GRID1: variants seen among roughly 807,000 people sequenced by gnomAD.
The protein encoded by GRID1 is glutamate receptor ionotropic, delta-1.
A neutral mutation model predicts 98.0 loss-of-function variants in GRID1; 28 were observed. The observed-to-expected ratio is 0.29, with a 90% CI of 0.21 to 0.39. The LOEUF (loss-of-function observed/expected upper bound fraction) is 0.39. Ranked by LOEUF, GRID1 falls within the 10% of genes least tolerant of loss-of-function variation. GRID1 has a pLI of 1.00. For synonymous variants in GRID1, 553 were observed against 538.5 expected (o/e 1.03, Z -0.37); for missense variants, 1,111 against 1,340.5 (o/e 0.83, Z 2.67).
intron 8 of GRID1, among the ~76,000 whole-genome samples, chr10:85,811,867 T>C (rs1049877508): frequency 6.6e-6 from 1 of 152,100 alleles, no homozygotes; most frequent in African/African-American, 2.4e-5. Context: ...GGACCCCAAA[T>C]AGATTAAACA....
At chr10:86,243,660 T>C (rs1196403127) in intron 2 of GRID1, among the ~76,000 whole-genome samples, 3 of 151,954 alleles carry the variant, frequency 2.0e-5, no homozygotes, top group African/African-American at 7.3e-5. Flanking sequence ...TCAAAAATAG[T>C]CTGAGTGAGG....
chr10:86,032,304 C>T (rs1187256425), intron 4 of GRID1, among the ~76,000 whole-genome samples: 1 of 152,178 alleles, frequency 6.6e-6, no homozygotes, highest in African/African-American at 2.4e-5. Flanking sequence ...CTCTGCCCAG[C>T]TGCCACCCCA....
intron 8 of GRID1, among the ~76,000 whole-genome samples, chr10:85,786,578 C>CCGA (rs1376314453): frequency 2.6e-5 from 4 of 152,206 alleles, no homozygotes. Context: ...AGCTTTCTCC[C>CCGA]CGACATCCCT....
At chr10:85,969,533 A>G (rs1842380995) in intron 4 of GRID1, among the ~76,000 whole-genome samples, 1 of 152,186 alleles carries the variant, frequency 6.6e-6, no homozygotes, top group Non-Finnish European at 1.5e-5. Context: ...AATCTATACT[A>G]GAAGGAAATT....
chr10:85,758,031 G>A (rs1219909503), intron 8 of GRID1, among the ~76,000 whole-genome samples: 1 of 152,196 alleles, frequency 6.6e-6, no homozygotes, highest in Non-Finnish European at 1.5e-5. Flanking sequence ...GGCAGTCCTT[G>A]CAGATACACC....
chr10:86,272,449 T>A (rs1404281286), intron 2 of GRID1, among the ~76,000 whole-genome samples: 2 of 152,178 alleles, frequency 1.3e-5, no homozygotes, highest in African/African-American at 4.8e-5. Context: ...AGTGGTACCA[T>A]CTTGAAGTGC....
At position 85,838,740 on chromosome 10, in the gene GRID1, C is replaced by T. The variant is rs1409296609; in HGVS notation, c.1233+15756G>A. ...TGACACTATAAAGCAACCACACAAACAAGTCTGCATAATAACCAGCTAACA... is the reference window on the plus strand; with the variant it reads ...TGACACTATAAAGCAACCACACAAATAAGTCTGCATAATAACCAGCTAACA... On this transcript the variant is annotated intron_variant, in intron 8 of 15. Coordinates refer to ENST00000327946, the MANE Select transcript of GRID1 (RefSeq NM_017551.3). Among the ~76,000 whole-genome samples the T allele has an allele frequency of 3.3e-5, 5 of 152,308 alleles. No individual in the cohort carries two copies. The East Asian group carries it at 9.6e-4, about 29-fold the overall frequency.
chr10:86,352,757 G>A (rs1239085619), intron 2 of GRID1, among the ~76,000 whole-genome samples: 1 of 152,102 alleles, frequency 6.6e-6, no homozygotes, highest in Admixed American at 6.5e-5. Context: ...TCTGGCCTTG[G>A]TTTTGCATGG....
chr10:85,757,684 A>G (rs1842112085), intron 8 of GRID1, among the ~76,000 whole-genome samples: 1 of 152,238 alleles, frequency 6.6e-6, no homozygotes, highest in Non-Finnish European at 1.5e-5. Flanking sequence ...TGTACTATGT[A>G]TGGTGGTTGA....
intron 4 of GRID1, among the ~76,000 whole-genome samples, chr10:86,104,855 T>A (rs1284580012): frequency 6.6e-6 from 1 of 152,162 alleles, no homozygotes; most frequent in African/African-American, 2.4e-5. Flanking sequence ...GCATGGCCGA[T>A]GAAGTGCCTA....
chr10:85,673,017 G>A (rs1478059705), intron 12 of GRID1, among the ~76,000 whole-genome samples: 2 of 152,200 alleles, frequency 1.3e-5, no homozygotes, highest in African/African-American at 4.8e-5. Context: ...TAATTCATGA[G>A]AGGAGGTCAA....
chr10:86,328,886 G>C (rs1252013153), intron 2 of GRID1, among the ~76,000 whole-genome samples: 1 of 152,010 alleles, frequency 6.6e-6, no homozygotes, highest in African/African-American at 2.4e-5. Flanking sequence ...GGACCCCCGG[G>C]TCACCCCACC....
intron 8 of GRID1, among the ~76,000 whole-genome samples, chr10:85,808,216 C>T (rs1394423819): frequency 6.6e-6 from 1 of 152,148 alleles, no homozygotes; most frequent in Non-Finnish European, 1.5e-5. Context: ...TCACACCAGA[C>T]ATTATTACCT....
chr10:86,156,398 T>G (rs567978409), intron 3 of GRID1, among the ~76,000 whole-genome samples: 1 of 152,272 alleles, frequency 6.6e-6, no homozygotes, highest in Admixed American at 6.5e-5. Flanking sequence ...CTTCCCTGAT[T>G]TTTTTCAAAC....
chr10:85,808,833 T>G (rs1842644485), intron 8 of GRID1, among the ~76,000 whole-genome samples: 1 of 152,144 alleles, frequency 6.6e-6, no homozygotes, highest in Admixed American at 6.6e-5. Flanking sequence ...AAAAATGTAC[T>G]ATTACACATA....
At position 85,941,194 on chromosome 10, in the gene GRID1, T is replaced by A. The variant is rs139321396; in HGVS notation, c.727-24955A>T. Among the ~76,000 whole-genome samples, 26 of 152,336 alleles carry A rather than the reference T, an allele frequency of 1.7e-4. 1 individual carries two copies. In the East Asian group the frequency reaches 4.8e-3, roughly 28 times the overall value. On this transcript the variant is annotated intron_variant, in intron 4 of 15. Transcript: ENST00000327946. ...GCCAGCTGGGTGTCCTTGGGTAAGT[T>A]ATTTAACCTTTCTGACCCTCGTTTT...
At chr10:86,248,229 G>GTCACCTTCAC (rs1246397873) in intron 2 of GRID1, among the ~76,000 whole-genome samples, 4 of 152,204 alleles carry the variant, frequency 2.6e-5, no homozygotes, top group Admixed American at 2.6e-4. Context: ...GCCAGCGGGA[G>GTCACCTTCAC]TCACCTTCAC....
rs1042887740 is a variant in GRID1 at position 85,602,237 on chromosome 10, T to C, written c.*36A>G. ...GTATTAAAAAGCTCTGCTGGTCGGG[T>C]GGGTGGGAGGGTGGGCAGGAGGGCA... is the stretch of plus-strand genomic sequence containing the variant. On this transcript the variant is annotated 3_prime_UTR_variant, in exon 16 of 16. Coordinates refer to ENST00000327946, the MANE Select transcript of GRID1 (RefSeq NM_017551.3). 5 of 952,342 alleles carry C rather than the reference T, an allele frequency of 5.3e-6. No homozygotes were observed. The highest frequency in any genetic ancestry group is 7.6e-5 in the East Asian group (2 of 26,442). 59.0% of individuals were successfully genotyped at this position (952,342 alleles called of 1,614,324 possible).
At chr10:86,066,010 G>A (rs1589358694) in intron 4 of GRID1, among the ~76,000 whole-genome samples, 1 of 152,210 alleles carries the variant, frequency 6.6e-6, no homozygotes, top group East Asian at 1.9e-4. Context: ...AAGTGCTGGA[G>A]AAGTCATGTA....
Sources: gnomAD v4.1 joint callset for allele counts (sites outside exome capture counted in the v4.1 genomes callset) on GRCh38, gnomAD v4.1.1 for gene constraint, MANE v1.5 for transcripts, NCBI Gene and HGNC (gene_info 2026-07-23, HGNC 2026-07-21) for gene names.